WWOX: variants seen among roughly 807,000 people sequenced by gnomAD.
WWOX encodes the protein WW domain-containing oxidoreductase.
In WWOX, 69 loss-of-function variants were observed where a neutral mutation model predicts 46.2. That is an observed-to-expected ratio of 1.49 (90% confidence interval 1.23 to 1.82). The LOEUF is 1.82. WWOX is among the 40% of genes most tolerant of loss of function. WWOX has a pLI of 0.00. For synonymous variants in WWOX, 359 were observed against 202.6 expected (o/e 1.77, Z -6.56); for missense variants, 919 against 542.6 (o/e 1.69, Z -6.89).
chr16:78,815,850 C>A (rs1457294859), intron 8 of WWOX, among the ~76,000 whole-genome samples: 1 of 152,116 alleles, frequency 6.6e-6, no homozygotes, highest in Admixed American at 6.5e-5. Context: ...ACATCTGGCT[C>A]TGTCTGCCCA....
intron 8 of WWOX, among the ~76,000 whole-genome samples, chr16:79,179,646 G>T (rs1404756223): frequency 6.6e-6 from 1 of 152,176 alleles, no homozygotes; most frequent in Non-Finnish European, 1.5e-5. Flanking sequence ...CCCTTCCATT[G>T]TATTTGAGCC....
chr16:78,707,714 C>G (rs1488011771), intron 8 of WWOX, among the ~76,000 whole-genome samples: 1 of 152,012 alleles, frequency 6.6e-6, no homozygotes, highest in African/African-American at 2.4e-5. Flanking sequence ...GAAACCCCAT[C>G]TCTACTAAAA....
At chr16:78,404,125 A>G (rs916414717) in intron 6 of WWOX, among the ~76,000 whole-genome samples, 4 of 152,116 alleles carry the variant, frequency 2.6e-5, no homozygotes, top group African/African-American at 9.7e-5. Flanking sequence ...AAATTAAGCA[A>G]ATGGTACCTA....
At chr16:78,651,560 T>C (rs576778689) in intron 8 of WWOX, among the ~76,000 whole-genome samples, 1 of 152,304 alleles carries the variant, frequency 6.6e-6, no homozygotes, top group East Asian at 1.9e-4. Context: ...GGCTAAACTC[T>C]TGCCTTTACC....
chr16:78,704,864 C>A (rs548801238), intron 8 of WWOX, among the ~76,000 whole-genome samples: 1 of 151,918 alleles, frequency 6.6e-6, no homozygotes, highest in Admixed American at 6.6e-5. Flanking sequence ...CTTTTGTGGG[C>A]CACCCCAACT....
At chr16:79,023,593 T>A (rs2047578313) in intron 8 of WWOX, among the ~76,000 whole-genome samples, 1 of 152,114 alleles carries the variant, frequency 6.6e-6, no homozygotes, top group African/African-American at 2.4e-5. Context: ...TAAAAAGGAA[T>A]GACGTTTTGG....
At chr16:78,799,672 C>G (rs767561291) in intron 8 of WWOX, among the ~76,000 whole-genome samples, 13 of 152,084 alleles carry the variant, frequency 8.5e-5, no homozygotes, top group Non-Finnish European at 1.2e-4. Flanking sequence ...TGCATACTGA[C>G]CTTTCTGCTC....
chr16:79,125,695 A>T (rs767762329), intron 8 of WWOX, among the ~76,000 whole-genome samples: 3 of 152,182 alleles, frequency 2.0e-5, no homozygotes, highest in Admixed American at 2.0e-4. Flanking sequence ...AGTGTCAACA[A>T]TGTTGACATT....
chr16:78,756,904 G>C (rs754457811), intron 8 of WWOX: 6 of 702,956 alleles, frequency 8.5e-6, no homozygotes, highest in Admixed American at 6.0e-5. Context: ...AAAATATTGA[G>C]GCTTCTGCCT....
chr16:79,174,407 G>T (rs995513975), intron 8 of WWOX, among the ~76,000 whole-genome samples: 2 of 152,200 alleles, frequency 1.3e-5, no homozygotes, highest in Non-Finnish European at 2.9e-5. Context: ...CCAGCTCTTT[G>T]GGAGGCTGAG....
intron 4 of WWOX, among the ~76,000 whole-genome samples, chr16:78,121,707 G>C (rs1463641578): frequency 1.3e-5 from 2 of 151,784 alleles, no homozygotes; most frequent in Admixed American, 6.6e-5. Context: ...TGTTGCGCAG[G>C]CTGGAGTACA....
chr16:78,292,103 A>G (rs866248055), intron 5 of WWOX, among the ~76,000 whole-genome samples: 19 of 107,866 alleles, frequency 1.8e-4, no homozygotes, highest in East Asian at 4.9e-4. Flanking sequence ...GTGTCATTCT[A>G]TTGTCCAGGC....
intron 8 of WWOX, among the ~76,000 whole-genome samples, chr16:78,876,496 C>G (rs552443644): frequency 6.7e-6 from 1 of 149,198 alleles, no homozygotes; most frequent in Non-Finnish European, 1.5e-5. Flanking sequence ...AAAGGAGTTT[C>G]AAGGGTAAGA....
chr16:78,642,134 CAAG>C (rs1352463214), intron 8 of WWOX, among the ~76,000 whole-genome samples: 1 of 152,178 alleles, frequency 6.6e-6, no homozygotes, highest in Non-Finnish European at 1.5e-5. Flanking sequence ...CTCCATCTAA[CAAG>C]AAAATATATG....
intron 8 of WWOX, among the ~76,000 whole-genome samples, chr16:79,198,809 C>A (rs1458539590): frequency 3.3e-5 from 5 of 152,164 alleles, no homozygotes; most frequent in Admixed American, 6.5e-5. Flanking sequence ...TTAATGTGAA[C>A]CAGAAACCCT....
intron 8 of WWOX, among the ~76,000 whole-genome samples, chr16:78,818,071 C>G (rs2051388925): frequency 1.3e-5 from 2 of 152,110 alleles, no homozygotes; most frequent in Admixed American, 6.5e-5. Context: ...CTAAAAGGGC[C>G]CATCAGAGCT....
At chr16:78,315,077 A>G (rs1338756076) in intron 5 of WWOX, among the ~76,000 whole-genome samples, 1 of 152,066 alleles carries the variant, frequency 6.6e-6, no homozygotes, top group Admixed American at 6.5e-5. Flanking sequence ...TCATCTAGCT[A>G]TCTATCGATT....
chr16:79,079,837 C>A (rs866423536), intron 8 of WWOX, among the ~76,000 whole-genome samples: 2 of 152,186 alleles, frequency 1.3e-5, no homozygotes, highest in African/African-American at 4.8e-5. Flanking sequence ...AATGTGATTA[C>A]AACATATGCT....
intron 8 of WWOX, among the ~76,000 whole-genome samples, chr16:78,547,869 T>A (rs1307014675): frequency 6.6e-6 from 1 of 152,008 alleles, no homozygotes; most frequent in African/African-American, 2.4e-5. Flanking sequence ...TTTCAACATA[T>A]GGCTGGGCGT....
Sources: gnomAD v4.1 joint callset for allele counts (sites outside exome capture counted in the v4.1 genomes callset) on GRCh38, gnomAD v4.1.1 for gene constraint, MANE v1.5 for transcripts, NCBI Gene and HGNC (gene_info 2026-07-23, HGNC 2026-07-21) for gene names.